The following MKLN1 variants were observed in gnomAD, a reference collection of about 807,000 sequenced individuals.
The protein encoded by MKLN1 is muskelin 1.
MKLN1 carries 18 observed loss-of-function variants against 99.0 expected under a neutral mutation model. The observed-to-expected ratio is 0.18, with a 90% CI of 0.13 to 0.27. The LOEUF is 0.27. MKLN1 is among the 10% of genes least tolerant of loss of function. MKLN1 has a pLI of 1.00. For missense variants in MKLN1, 621 were observed against 875.9 expected, an observed-to-expected ratio of 0.71 and a Z score of 3.67; for synonymous variants, 288 against 293.2, an observed-to-expected ratio of 0.98 and a Z score of 0.18.
In MKLN1 at chr7:131,443,410, T is replaced by C. The variant is rs751535417; in HGVS notation, c.1174-71T>C. On this transcript the variant is annotated intron_variant, in intron 10 of 17. Transcript: ENST00000352689. ...TTTTTTGAGAATGTAAAACTGTACA[T>C]GTTGGTTTTGTTTTAGCACATATGA... 206 of 1,107,496 alleles carry C rather than the reference T, an allele frequency of 1.9e-4. 1 individual carries two copies. The highest frequency in any genetic ancestry group is 2.6e-4 in the Non-Finnish European group (187 of 724,580). 68.6% of individuals were successfully genotyped at this position (1,107,496 alleles called of 1,614,324 possible).
At position 131,352,293 on chromosome 7, in the gene MKLN1, A is replaced by G. The variant is rs183012574; in HGVS notation, c.99-23131A>G. Reference sequence around the variant, plus strand: ...ATTCTTTATTTTCTTGCTTTTTGGCATAGGAAAATGACTTTATATAACATG... The same window carrying G: ...ATTCTTTATTTTCTTGCTTTTTGGCGTAGGAAAATGACTTTATATAACATG... On this transcript the variant is annotated intron_variant, in intron 1 of 17. Transcript: ENST00000352689. Among the ~76,000 whole-genome samples the G allele has an allele frequency of 4.7e-4, 72 of 152,242 alleles. 1 individual carries two copies. Among genetic ancestry groups the G allele is most frequent in the African/African-American group, 1.3e-3 (55 of 41,532 alleles).
intron 2 of MKLN1, among the ~76,000 whole-genome samples, chr7:131,163,494 A>AT (rs1796083659): frequency 6.6e-6 from 1 of 152,208 alleles, no homozygotes; most frequent in African/African-American, 2.4e-5. Context: ...ACTGAGATGA[A>AT]TGAGTGCTTC....
At position 131,374,526 on chromosome 7, in the gene MKLN1, AT is replaced by A. The variant is rs1291217070; in HGVS notation, c.99-895del. 5.9e-5 allele frequency among the ~76,000 whole-genome samples: 9 copies of A among 152,260 alleles called. No individual in the cohort carries two copies. The East Asian group carries it at 1.5e-3, about 26-fold the overall frequency. ...CAAAAGTGAGAAACCTGGCTCCCAC[AT>A]TTACCAGCCATTTACTTATTTGTTC... On this transcript the variant is annotated intron_variant, in intron 1 of 17. Coordinates refer to ENST00000352689, the MANE Select transcript of MKLN1 (RefSeq NM_013255.5).
At chr7:131,465,584 G>C (rs1412647780) in intron 14 of MKLN1, among the ~76,000 whole-genome samples, 1 of 152,058 alleles carries the variant, frequency 6.6e-6, no homozygotes, top group Non-Finnish European at 1.5e-5. Flanking sequence ...TGTTGCCCAG[G>C]CTGGAGTACA....
intron 3 of MKLN1, among the ~76,000 whole-genome samples, chr7:131,216,699 G>A (rs567893029): frequency 7.2e-5 from 11 of 152,176 alleles, no homozygotes; most frequent in Non-Finnish European, 1.5e-4. Context: ...TCAGGTCCTT[G>A]TGCTTGGTAA....
upstream of MKLN1, chr7:131,323,351 AT>A (rs1389706243): frequency 2.0e-5 from 3 of 152,148 alleles, no homozygotes; most frequent in Non-Finnish European, 4.4e-5. Flanking sequence ...AGTTTCAAAT[AT>A]CCCTTTGTTT....
At chr7:131,171,560 C>A (rs538780203) in intron 2 of MKLN1, among the ~76,000 whole-genome samples, 1 of 151,968 alleles carries the variant, frequency 6.6e-6, no homozygotes, top group African/African-American at 2.4e-5. Context: ...TGGGTTCAAG[C>A]GATTTCCTGC....
At chr7:131,207,542 G>A (rs888620120) in intron 3 of MKLN1, among the ~76,000 whole-genome samples, 24 of 152,296 alleles carry the variant, frequency 1.6e-4, no homozygotes, top group African/African-American at 4.8e-4. Context: ...TGCCAAACAG[G>A]CATTTTGGAG....
At chr7:131,293,095 C>A (rs180981357) in intron 3 of MKLN1, among the ~76,000 whole-genome samples, 39 of 152,312 alleles carry the variant, frequency 2.6e-4, no homozygotes, top group Non-Finnish European at 1.0e-4. Context: ...AGAGTGCCAG[C>A]TGTAAACCTA....
At chr7:131,347,788 T>C (rs1003326792) in intron 1 of MKLN1, among the ~76,000 whole-genome samples, 2 of 152,248 alleles carry the variant, frequency 1.3e-5, no homozygotes, top group African/African-American at 4.8e-5. Flanking sequence ...TGATGCCTAT[T>C]ATTGTTTCAA....
chr7:131,122,388 TG>T (rs1297566683), intron 1 of MKLN1, among the ~76,000 whole-genome samples: 1 of 152,238 alleles, frequency 6.6e-6, no homozygotes, highest in East Asian at 1.9e-4. Context: ...AGAACCATAT[TG>T]TTGCCATGTA....
intron 3 of MKLN1, among the ~76,000 whole-genome samples, chr7:131,211,782 G>A (rs1398237056): frequency 1.3e-5 from 2 of 152,050 alleles, no homozygotes; most frequent in Non-Finnish European, 2.9e-5. Flanking sequence ...ACTCTAGGAG[G>A]CTCATAAAAG....
At chr7:131,239,307 G>A (rs186110924) in intron 3 of MKLN1, among the ~76,000 whole-genome samples, 95 of 151,652 alleles carry the variant, frequency 6.3e-4, no homozygotes, top group African/African-American at 2.2e-3. Context: ...TACCTCATAT[G>A]CTTATCTTTT....
At chr7:131,308,247 C>T (rs1340836779) in intron 3 of MKLN1, among the ~76,000 whole-genome samples, 2 of 151,670 alleles carry the variant, frequency 1.3e-5, no homozygotes, top group African/African-American at 4.8e-5. Flanking sequence ...TCTTAAATTA[C>T]CCAGTCTCAC....
At chr7:131,179,077 C>G (rs556027731) in intron 2 of MKLN1, among the ~76,000 whole-genome samples, 1 of 152,082 alleles carries the variant, frequency 6.6e-6, no homozygotes, top group Non-Finnish European at 1.5e-5. Context: ...TAAATAAATA[C>G]CTTTCTTGAC....
rs573864348 is a variant in MKLN1, at chr7:131,329,173, C to G, written c.98+1176C>G. On this transcript the variant is annotated intron_variant, in intron 1 of 17. Coordinates refer to ENST00000352689, the MANE Select transcript of MKLN1 (RefSeq NM_013255.5). ...TATTTGAGAAATTCTTCACATTTATCCAAATTTGATTTCACTGGTTATATC... is the reference window on the plus strand; with the variant it reads ...TATTTGAGAAATTCTTCACATTTATGCAAATTTGATTTCACTGGTTATATC... Among the ~76,000 whole-genome samples, 12 of 152,252 alleles carry G rather than the reference C, an allele frequency of 7.9e-5. No homozygotes were observed. In the South Asian group the frequency reaches 1.7e-3, roughly 21 times the overall value.
chr7:131,133,832 T>G (rs915257592), intron 1 of MKLN1, among the ~76,000 whole-genome samples: 4,421 of 133,576 alleles, frequency 0.033, 459 homozygotes, highest in African/African-American at 0.09. Context: ...TTTTTTTTTT[T>G]TTTTTTTTTT....
In MKLN1 at chr7:131,490,086, C is replaced by T. The variant is rs549420223; in HGVS notation, c.*2358C>T. The T allele has an allele frequency of 1.3e-4, 20 of 152,662 alleles. No individual in the cohort carries two copies. Among genetic ancestry groups the T allele is most frequent in the African/African-American group, 4.8e-4 (20 of 41,562 alleles). The allele number at this position is 152,662 out of a possible 1,614,324, so 9.5% of individuals were successfully genotyped here. A position where few individuals can be genotyped will look rare whatever the true frequency, so the allele number is the denominator to read the frequency against. On this transcript the variant is annotated 3_prime_UTR_variant, in exon 18 of 18. Coordinates refer to ENST00000352689, the MANE Select transcript of MKLN1 (RefSeq NM_013255.5). ...CCATGACCAAGATTGACATGTTGCTCACAACATGTCACAATTTAGTGAGGA... is the reference window on the plus strand; with the variant it reads ...CCATGACCAAGATTGACATGTTGCTTACAACATGTCACAATTTAGTGAGGA...
intron 3 of MKLN1, among the ~76,000 whole-genome samples, chr7:131,298,304 G>C (rs904095192): frequency 6.6e-6 from 1 of 151,996 alleles, no homozygotes; most frequent in African/African-American, 2.4e-5. Flanking sequence ...ATGACTCAGA[G>C]GTACTGAGAT....
Sources: gnomAD v4.1 joint callset for allele counts (sites outside exome capture counted in the v4.1 genomes callset) on GRCh38, gnomAD v4.1.1 for gene constraint, MANE v1.5 for transcripts, NCBI Gene and HGNC (gene_info 2026-07-23, HGNC 2026-07-21) for gene names.